Variants in CAMTA1 observed in about 807,000 individuals in gnomAD.
CAMTA1 encodes calmodulin-binding transcription activator 1.
CAMTA1 carries 27 observed loss-of-function variants against 170.9 expected under a neutral mutation model. That is an observed-to-expected ratio of 0.16 (90% confidence interval 0.12 to 0.22). The LOEUF (loss-of-function observed/expected upper bound fraction) is 0.22. CAMTA1 is among the 10% of genes least tolerant of loss of function. The pLI is 1.00. For missense variants in CAMTA1, 1,619 were observed against 2,217.2 expected, an observed-to-expected ratio of 0.73 and a Z score of 5.42; for synonymous variants, 833 against 891.5, an observed-to-expected ratio of 0.93 and a Z score of 1.17.
chr1:6,875,225 A>G (rs1669493342), intron 3 of CAMTA1, among the ~76,000 whole-genome samples: 1 of 152,132 alleles, frequency 6.6e-6, no homozygotes, highest in East Asian at 1.9e-4. Context: ...CTCCTAGGAA[A>G]CGGTTTTGCC....
At chr1:7,001,659 G>T (rs1472037375) in intron 3 of CAMTA1, among the ~76,000 whole-genome samples, 1 of 152,126 alleles carries the variant, frequency 6.6e-6, no homozygotes, top group African/African-American at 2.4e-5. Context: ...AAGGATGCTG[G>T]TCTTCACCAC....
At chr1:7,558,376 G>C (rs1420457337) in intron 6 of CAMTA1, among the ~76,000 whole-genome samples, 1 of 152,220 alleles carries the variant, frequency 6.6e-6, no homozygotes, top group Non-Finnish European at 1.5e-5. Flanking sequence ...GAGCCCCTCT[G>C]GATGGGACCC....
In CAMTA1 at chr1:7,641,658, C is replaced by T. The variant is rs953169332; in HGVS notation, c.664+1105C>T. ...AGAGGGGTCTGTGTGGCAAGGGAGGCCCCCCAGTGGGTGACAGCCCTGCCC... is the reference window on the plus strand; with the variant it reads ...AGAGGGGTCTGTGTGGCAAGGGAGGTCCCCCAGTGGGTGACAGCCCTGCCC... On this transcript the variant is annotated intron_variant, in intron 7 of 22. Transcript: ENST00000303635. The surrounding 1 kb of genome is among the most constrained non-coding windows in gnomAD (Gnocchi z 4.5). 1.3e-5 allele frequency among the ~76,000 whole-genome samples: 2 copies of T among 152,054 alleles called. No individual in the cohort carries two copies. Among genetic ancestry groups the T allele is most frequent in the African/African-American group, 4.8e-5 (2 of 41,402 alleles).
chr1:7,559,955 C>A (rs1161177077), intron 6 of CAMTA1, among the ~76,000 whole-genome samples: 1 of 152,204 alleles, frequency 6.6e-6, no homozygotes, highest in East Asian at 1.9e-4. Flanking sequence ...GCTTGGTTCT[C>A]TGCTGTTCTT....
Position 6,899,540 on chromosome 1 carries a change from G to A in CAMTA1, c.234+74330G>A, listed in dbSNP as rs1487912909. ...TGTTAAAAAATTATATGTGTATAAC[G>A]CGCACGCGCGCGCGCACACACACAC... On this transcript the variant is annotated intron_variant, in intron 3 of 22. Transcript: ENST00000303635. Among the ~76,000 whole-genome samples, 6 of 93,904 alleles carry A rather than the reference G, an allele frequency of 6.4e-5. No homozygotes were observed. The South Asian group carries it at 1.7e-3, about 27-fold the overall frequency. 61.6% of individuals were successfully genotyped at this position (93,904 alleles called of 152,430 possible).
intron 5 of CAMTA1, among the ~76,000 whole-genome samples, chr1:7,378,979 T>C (rs1240846295): frequency 3.3e-5 from 5 of 152,206 alleles, no homozygotes; most frequent in Non-Finnish European, 2.9e-5. Context: ...CTGACTTGCC[T>C]GGGTGGCCTG....
intron 6 of CAMTA1, among the ~76,000 whole-genome samples, chr1:7,502,556 A>G (rs2094023983): frequency 6.6e-6 from 1 of 152,176 alleles, no homozygotes; most frequent in South Asian, 2.1e-4. Flanking sequence ...GACTCCCTCC[A>G]CATCTGGAAA....
At chr1:7,315,110 A>C (rs930527803) in intron 5 of CAMTA1, among the ~76,000 whole-genome samples, 1 of 152,198 alleles carries the variant, frequency 6.6e-6, no homozygotes, top group Non-Finnish European at 1.5e-5. Flanking sequence ...TGGAGGCTCA[A>C]TTTCATTGCC....
rs1305537409 is a variant in CAMTA1 at position 7,050,160 on chromosome 1, G to T, written c.235-41144G>T. 6.6e-6 allele frequency among the ~76,000 whole-genome samples: 1 copy of T among 152,150 alleles called. No individual in the cohort carries two copies. Among genetic ancestry groups the T allele is most frequent in the Non-Finnish European group, 1.5e-5 (1 of 68,024 alleles). On this transcript the variant is annotated intron_variant, in intron 3 of 22. Coordinates refer to ENST00000303635, the MANE Select transcript of CAMTA1 (RefSeq NM_015215.4). This position sits in a 1 kb window ranked among gnomAD's most constrained non-coding sequence, Gnocchi z 4.8. ...GAGAGAGGACGTGGAAGGAGGTGAG[G>T]CCGGGGAAGTGACCGGCAGGGCCAC...
chr1:7,437,128 G>A (rs1200725646), intron 5 of CAMTA1, among the ~76,000 whole-genome samples: 2 of 152,090 alleles, frequency 1.3e-5, no homozygotes, highest in Non-Finnish European at 2.9e-5. Flanking sequence ...AGGCCCAGCA[G>A]AGGCCCTTCC....
At chr1:7,367,806 G>A (rs1211170692) in intron 5 of CAMTA1, among the ~76,000 whole-genome samples, 1 of 152,254 alleles carries the variant, frequency 6.6e-6, no homozygotes, top group Non-Finnish European at 1.5e-5. Flanking sequence ...GTTTCACTGG[G>A]CACAGGCCCT....
At chr1:6,879,613 CTTT>C (rs58610375) in intron 3 of CAMTA1, among the ~76,000 whole-genome samples, 7 of 132,848 alleles carry the variant, frequency 5.3e-5, no homozygotes, top group Non-Finnish European at 8.0e-5. Context: ...TTCCTTTTTT[CTTT>C]TTTTTTTTTT....
chr1:7,420,822 G>C (rs1157694441), intron 5 of CAMTA1, among the ~76,000 whole-genome samples: 2 of 152,226 alleles, frequency 1.3e-5, no homozygotes, highest in Non-Finnish European at 2.9e-5. Flanking sequence ...AGCCAGGGGG[G>C]CAGAGGGGCC....
intron 6 of CAMTA1, among the ~76,000 whole-genome samples, chr1:7,533,306 G>C (rs957943341): frequency 7.9e-5 from 12 of 152,204 alleles, no homozygotes; most frequent in Non-Finnish European, 1.6e-4. Flanking sequence ...GCAGGCAGCT[G>C]ACAGAAGAGA....
intron 6 of CAMTA1, among the ~76,000 whole-genome samples, chr1:7,629,695 T>C (rs2095656062): frequency 1.3e-5 from 2 of 152,196 alleles, no homozygotes; most frequent in African/African-American, 4.8e-5. Context: ...CCCTCCTCAG[T>C]TGGTGCTCCC....
At chr1:7,019,121 G>A (rs1463474188) in intron 3 of CAMTA1, among the ~76,000 whole-genome samples, 1 of 152,152 alleles carries the variant, frequency 6.6e-6, no homozygotes, top group Non-Finnish European at 1.5e-5. Context: ...CCTGGGTTCC[G>A]CGAAATGCCT....
intron 2 of CAMTA1, among the ~76,000 whole-genome samples, chr1:6,823,291 G>A (rs1646728696): frequency 6.6e-6 from 1 of 152,122 alleles, no homozygotes; most frequent in Admixed American, 6.5e-5. Flanking sequence ...GGGAGCATAA[G>A]CACATAAGAT....
chr1:7,222,188 A>G (rs1011637851), intron 4 of CAMTA1, among the ~76,000 whole-genome samples: 1 of 152,156 alleles, frequency 6.6e-6, no homozygotes, highest in Non-Finnish European at 1.5e-5. Flanking sequence ...AGCTAAATAG[A>G]TGATGCTTTT....
At chr1:7,161,586 C>T (rs1003360766) in intron 4 of CAMTA1, among the ~76,000 whole-genome samples, 1 of 152,200 alleles carries the variant, frequency 6.6e-6, no homozygotes, top group Admixed American at 6.5e-5. Context: ...TGCACAAGTT[C>T]TCTCTTTGCC....
Sources: allele counts gnomAD v4.1 joint callset (sites outside exome capture counted in the v4.1 genomes callset), GRCh38; gene constraint gnomAD v4.1.1; non-coding constraint Gnocchi (gnomAD v3.1); transcripts MANE v1.5; gene names NCBI Gene and HGNC (gene_info 2026-07-23, HGNC 2026-07-21).